KIAA1755: variants seen among roughly 807,000 people sequenced by gnomAD.
The protein encoded by KIAA1755 is uncharacterized protein KIAA1755.
KIAA1755 carries 68 observed loss-of-function variants against 91.7 expected under a neutral mutation model. The observed-to-expected ratio is 0.74, with a 90% confidence interval of 0.61 to 0.91. KIAA1755 has a LOEUF of 0.91. Ranked by LOEUF, KIAA1755 falls within the 40% of genes least tolerant of loss-of-function variation. The pLI is 0.00. For synonymous variants in KIAA1755, 610 were observed against 604.6 expected (o/e 1.01, Z -0.13); for missense variants, 1,535 against 1,494.4 (o/e 1.03, Z -0.45).
chr20:38,229,785 GA>G (rs899885832), intron 5 of KIAA1755, among the ~76,000 whole-genome samples: 4 of 152,166 alleles, frequency 2.6e-5, no homozygotes, highest in African/African-American at 4.8e-5. Context: ...GAGCCTTGGG[GA>G]GGGGAGATTA....
rs754660913 is a variant in KIAA1755 at position 38,240,961 on chromosome 20, A to C, written c.1170T>G (p.Gly390=). 1.2e-6 allele frequency: 2 copies of C among 1,614,086 alleles called. No individual in the cohort carries two copies. The highest frequency in any genetic ancestry group is 3.3e-5 in the Admixed American group (2 of 60,006). The change falls in exon 3 of 14, where the codon GGT becomes GGG. Residue 390 remains glycine, a synonymous_variant. Transcript: ENST00000279024. Reference sequence around the variant, plus strand: ...TGGAGGCAGCTGGCTCTTGTGAGACACCTGCCCTGAGACCAGAGGCACAGT... The same window carrying C: ...TGGAGGCAGCTGGCTCTTGTGAGACCCCTGCCCTGAGACCAGAGGCACAGT... The part of the protein sequence containing the change: ...ALDCASGLRA[G]VSQEPAASKM...
rs138565421 is a variant in KIAA1755, at chr20:38,249,550, G to T, written c.4-3424C>A. On this transcript the variant is annotated intron_variant, in intron 1 of 13. Transcript: ENST00000279024. ...CCCACCCGTAGCCCACACAGTGCTG[G>T]GCGCAGGGGACCGCCATCACTATTT... Among the ~76,000 whole-genome samples, 50 of 152,310 alleles carry T rather than the reference G, an allele frequency of 3.3e-4. No homozygotes were observed. The East Asian group carries it at 9.5e-3, about 29-fold the overall frequency.
chr20:38,235,996 GC>G (rs1202401285), intron 4 of KIAA1755, among the ~76,000 whole-genome samples: 5 of 152,222 alleles, frequency 3.3e-5, no homozygotes. Flanking sequence ...TCCAACAGAG[GC>G]CGGTGTGGAC....
chr20:38,229,624 ATT>A (rs2075825306), intron 5 of KIAA1755, among the ~76,000 whole-genome samples: 1 of 152,196 alleles, frequency 6.6e-6, no homozygotes, highest in South Asian at 2.1e-4. Flanking sequence ...GCCAATGTTC[ATT>A]CAGAGCACAA....
intron 13 of KIAA1755, among the ~76,000 whole-genome samples, chr20:38,215,483 C>A (rs976109494): frequency 6.6e-6 from 1 of 152,142 alleles, no homozygotes; most frequent in Non-Finnish European, 1.5e-5. Flanking sequence ...AAGAGACAAG[C>A]GAGTGACAAG....
At chr20:38,254,797 A>AT in intron 1 of KIAA1755, among the ~76,000 whole-genome samples, 1 of 151,750 alleles carries the variant, frequency 6.6e-6, no homozygotes. Flanking sequence ...AAAAAAAAAA[A>AT]GTATAATCTA....
At chr20:38,239,362 T>C (rs1281742253) in intron 4 of KIAA1755, among the ~76,000 whole-genome samples, 166 bp downstream of exon 4, 1 of 152,228 alleles carries the variant, frequency 6.6e-6, no homozygotes, top group Non-Finnish European at 1.5e-5. Flanking sequence ...TTTCATCTAT[T>C]CCAATTCTCC....
chr20:38,217,008 T>G, intron 13 of KIAA1755: 1 of 663,372 alleles, frequency 1.5e-6, no homozygotes, highest in East Asian at 2.8e-5. Flanking sequence ...TTACAAGACT[T>G]GGGGAGTGAA....
In KIAA1755 at chr20:38,241,286, G is replaced by T; in HGVS notation, c.845C>A (p.Ser282Tyr). Reference protein sequence around the residue: ...EGDYVALLGFSQESRGESPSR... With the variant: ...EGDYVALLGFYQESRGESPSR... Reference sequence around the variant, plus strand: ...GGGAGACTCTCCTCTGCTCTCTTGGGAAAAGCCTAGGAGAGCCACATAGTC... The same window carrying T: ...GGGAGACTCTCCTCTGCTCTCTTGGTAAAAGCCTAGGAGAGCCACATAGTC... The change falls in exon 3 of 14, where the codon TCC becomes TAC. Residue 282 changes from serine to tyrosine, a missense_variant. Coordinates refer to ENST00000279024, the MANE Select transcript of KIAA1755 (RefSeq NM_001029864.2). 1 of 1,614,116 alleles carries T rather than the reference G, an allele frequency of 6.2e-7. No homozygotes were observed. Among genetic ancestry groups the T allele is most frequent in the Non-Finnish European group, 8.5e-7 (1 of 1,180,010 alleles).
chr20:38,251,872 T>G (rs1351934188), intron 1 of KIAA1755, among the ~76,000 whole-genome samples: 1 of 152,182 alleles, frequency 6.6e-6, no homozygotes, highest in South Asian at 2.1e-4. Context: ...GGCCCCATTA[T>G]AATCTTAAGT....
chr20:38,215,058 G>A (rs1255921544), intron 13 of KIAA1755, among the ~76,000 whole-genome samples: 1 of 152,192 alleles, frequency 6.6e-6, no homozygotes, highest in Non-Finnish European at 1.5e-5. Context: ...CTGCACACAC[G>A]CTCCCCACCA....
chr20:38,215,710 G>A lies in KIAA1755; in HGVS notation c.2901+1543C>T, dbSNP rs190797762. Among the ~76,000 whole-genome samples, 185 of 152,302 alleles carry A rather than the reference G, an allele frequency of 1.2e-3. 1 individual carries two copies. The highest frequency in any genetic ancestry group is 3.3e-3 in the South Asian group (16 of 4,818). On this transcript the variant is annotated intron_variant, in intron 13 of 13. Transcript: ENST00000279024. The stretch of plus-strand genomic sequence containing the variant: ...CCTCAGAGTTGGAGCACGTTTGATC[G>A]ATCCGGGAAGGCCAGTGGGGCTGAA...
intron 10 of KIAA1755, among the ~76,000 whole-genome samples, chr20:38,221,198 A>G (rs1412681226): frequency 2.0e-5 from 3 of 152,100 alleles, no homozygotes; most frequent in African/African-American, 7.2e-5. Flanking sequence ...GGACGGAGGG[A>G]CGGGGACAGC....
chr20:38,215,364 G>T (rs1417103112), intron 13 of KIAA1755, among the ~76,000 whole-genome samples: 2 of 152,134 alleles, frequency 1.3e-5, no homozygotes, highest in Non-Finnish European at 2.9e-5. Context: ...TCCCCGCACA[G>T]CCTCCCTGAG....
chr20:38,225,714 A>G lies in KIAA1755; in HGVS notation c.2120T>C (p.Leu707Pro), dbSNP rs375250680. The change falls in exon 8 of 14, where the codon CTG becomes CCG. Residue 707 changes from leucine (L) to proline (P), a missense_variant. Coordinates refer to ENST00000279024, the MANE Select transcript of KIAA1755 (RefSeq NM_001029864.2). ...HVDPSQLPAV[L>P]EGPFPYCHTE... Reference sequence around the variant, plus strand: ...GTGGCAGTAGGGGAAGGGGCCTTCCAGGACTGCGGGCAGCTGGCTGGGGTC... The same window carrying G: ...GTGGCAGTAGGGGAAGGGGCCTTCCGGGACTGCGGGCAGCTGGCTGGGGTC... 6.2e-7 allele frequency: 1 copy of G among 1,612,050 alleles called. No individual in the cohort carries two copies. Among genetic ancestry groups the G allele is most frequent in the Non-Finnish European group, 8.5e-7 (1 of 1,179,184 alleles).
At position 38,241,151 on chromosome 20, in the gene KIAA1755, T is replaced by A. The variant is rs765794498; in HGVS notation, c.980A>T (p.Asn327Ile). The A allele has an allele frequency of 3.7e-6, 6 of 1,614,162 alleles. No individual in the cohort carries two copies. The highest frequency in any genetic ancestry group is 5.1e-6 in the Non-Finnish European group (6 of 1,179,992). ...FQKILPLSEA[N>I]EGPSLGNRAC... ...CCGATTTCCCAAGGAAGGTCCTTCA[T>A]TGGCCTCTGAGAGAGGCAGTATCTT... The change falls in exon 3 of 14, where the codon AAT (asparagine) becomes ATT (isoleucine). Residue 327 changes from asparagine (N) to isoleucine (I), a missense_variant. Asn to Ile is a moderately radical substitution (Grantham distance 149, BLOSUM62 -3). Transcript: ENST00000279024.
At position 38,227,157 on chromosome 20, in the gene KIAA1755, G is replaced by C. The variant is rs1017962686; in HGVS notation, c.2049C>G (p.Val683=). 4 of 1,612,952 alleles carry C rather than the reference G, an allele frequency of 2.5e-6. No homozygotes were observed. Among genetic ancestry groups the C allele is most frequent in the Admixed American group, 1.7e-5 (1 of 59,970 alleles). The change falls in exon 7 of 14, where the codon GTC becomes GTG. Residue 683 remains valine, a synonymous_variant. Transcript: ENST00000279024. ...AALQLQTLPD[V]QVEVLTSLKA... is the part of the protein sequence containing the mutation. ...GCCGACCCTGAGTCCCCCTCACCTGGACGTCAGGTAATGTCTGCAGCTGGA... is the reference window on the plus strand; with the variant it reads ...GCCGACCCTGAGTCCCCCTCACCTGCACGTCAGGTAATGTCTGCAGCTGGA...
rs559205097 is a variant in KIAA1755, at chr20:38,235,999, G to A, written c.1747+3529C>T. On this transcript the variant is annotated intron_variant, in intron 4 of 13. Coordinates refer to ENST00000279024, the MANE Select transcript of KIAA1755 (RefSeq NM_001029864.2). ...CTATAAGGAAACTCCAACAGAGGCCGGTGTGGACGCAGAGACACCAGCGAG... is the reference window on the plus strand; with the variant it reads ...CTATAAGGAAACTCCAACAGAGGCCAGTGTGGACGCAGAGACACCAGCGAG... Among the ~76,000 whole-genome samples the A allele has an allele frequency of 7.9e-5, 12 of 152,304 alleles. No homozygotes were observed. The South Asian group carries it at 8.3e-4, about 11-fold the overall frequency.
At chr20:38,237,638 T>G in intron 4 of KIAA1755, among the ~76,000 whole-genome samples, 1 of 149,986 alleles carries the variant, frequency 6.7e-6, no homozygotes, top group South Asian at 2.1e-4. Flanking sequence ...AGGGATGTGG[T>G]GGAGGGTGGG....
Sources: gnomAD v4.1 joint callset for allele counts (sites outside exome capture counted in the v4.1 genomes callset) on GRCh38, gnomAD v4.1.1 for gene constraint, MANE v1.5 for transcripts, NCBI Gene and HGNC (gene_info 2026-07-23, HGNC 2026-07-21) for gene names.